PCDHA2: variants seen among roughly 807,000 people sequenced by gnomAD.
PCDHA2 encodes the protein protocadherin alpha-2.
In PCDHA2, 58 loss-of-function variants were observed where a neutral mutation model predicts 66.0. That is an observed-to-expected ratio of 0.88 (90% CI 0.71 to 1.09). The LOEUF is 1.09. Among genes scored for constraint, PCDHA2 ranks in the 50% least tolerant of loss-of-function variants. PCDHA2 has a pLI of 0.00. For missense variants in PCDHA2, 1,267 were observed against 1,242.3 expected, an observed-to-expected ratio of 1.02 and a Z score of -0.30; for synonymous variants, 634 against 554.0, an observed-to-expected ratio of 1.14 and a Z score of -2.03.
intron 1 of PCDHA2, chr5:140,927,539 A>G (rs1554204701): frequency 6.2e-7 from 1 of 1,614,112 alleles, no homozygotes; most frequent in Non-Finnish European, 8.5e-7. Flanking sequence ...CGCTCAGGAG[A>G]CGCACAAGTC....
At chr5:140,823,872 G>C in intron 1 of PCDHA2, 1 of 1,613,916 alleles carries the variant, frequency 6.2e-7, no homozygotes, top group Non-Finnish European at 8.5e-7. Flanking sequence ...ACGTGTACCT[G>C]ATCATCGCCA....
At chr5:140,935,473 AT>A (rs2090393235) in intron 1 of PCDHA2, among the ~76,000 whole-genome samples, 1 of 152,212 alleles carries the variant, frequency 6.6e-6, no homozygotes, top group African/African-American at 2.4e-5. Context: ...AGTTTTTGTC[AT>A]TCTTTTCATT....
rs782636217 is a variant in PCDHA2 at position 140,928,409 on chromosome 5, C to T, written c.2389-50540C>T. The T allele has an allele frequency of 1.9e-6, 3 of 1,614,030 alleles. No individual in the cohort carries two copies. The Admixed American group carries it at 5.0e-5, about 27-fold the overall frequency. On this transcript the variant is annotated intron_variant, in intron 1 of 3. Coordinates refer to ENST00000526136, the MANE Select transcript of PCDHA2 (RefSeq NM_018905.3). ...CTGGCAGTGGAATCATCCAGTGGGG[C>T]CATCACTGCCAAAACTTCCTTTGAC...
At position 140,856,753 on chromosome 5, in the gene PCDHA2, T is replaced by C. The variant is rs373420913; in HGVS notation, c.2388+59401T>C. 311 of 1,596,470 alleles carry C rather than the reference T, an allele frequency of 1.9e-4. 24 individuals are homozygous for C. Among genetic ancestry groups the C allele is most frequent in the Non-Finnish European group, 2.6e-4 (309 of 1,166,472 alleles). On this transcript the variant is annotated intron_variant, in intron 1 of 3. Coordinates refer to ENST00000526136, the MANE Select transcript of PCDHA2 (RefSeq NM_018905.3). ...TGCTGATCCTGGTGTTAGATGCCAA[T>C]GATAACGCCCCTATCTTTGACAGAC...
intron 1 of PCDHA2, chr5:140,877,039 C>A (rs782458785): frequency 6.2e-7 from 1 of 1,612,458 alleles, no homozygotes; most frequent in African/African-American, 1.3e-5. Context: ...GCTGCAGCCG[C>A]TAGACCACGA....
At chr5:140,884,504 G>C in intron 1 of PCDHA2, 2 of 1,614,180 alleles carry the variant, frequency 1.2e-6, no homozygotes, top group South Asian at 2.2e-5. Flanking sequence ...CAGCGCGGCA[G>C]GGAGTTGGTC....
At position 140,842,761 on chromosome 5, in the gene PCDHA2, A is replaced by G. The variant is rs200442158; in HGVS notation, c.2388+45409A>G. ...GCCACATCTTCACGGTGTCTGCGCG[A>G]GACGCGGACGCGCAGGAGAACGCGC... On this transcript the variant is annotated intron_variant, in intron 1 of 3. Coordinates refer to ENST00000526136, the MANE Select transcript of PCDHA2 (RefSeq NM_018905.3). 1.6e-5 allele frequency: 26 copies of G among 1,594,610 alleles called. 2 individuals are homozygous for G. The highest frequency in any genetic ancestry group is 4.5e-5 in the East Asian group (2 of 44,836).
At chr5:140,836,468 T>G (rs1227457835) in intron 1 of PCDHA2, 1 of 1,613,696 alleles carries the variant, frequency 6.2e-7, no homozygotes, top group African/African-American at 1.3e-5. Flanking sequence ...AGCTGGTGGA[T>G]GTCAACGTGT....
intron 1 of PCDHA2, chr5:140,882,748 A>C: frequency 1.2e-6 from 2 of 1,614,258 alleles, no homozygotes; most frequent in Non-Finnish European, 1.7e-6. Flanking sequence ...CATCCGATGC[A>C]GATATTGGAG....
At chr5:140,815,220 G>A (rs1765678782) in intron 1 of PCDHA2, 1 of 151,932 alleles carries the variant, frequency 6.6e-6, no homozygotes, top group South Asian at 2.1e-4. Flanking sequence ...ACTTACTGTT[G>A]CCTCTTTGTT....
In PCDHA2 at chr5:140,833,781, T is replaced by C. The variant is rs143295216; in HGVS notation, c.2388+36429T>C. Among the ~76,000 whole-genome samples the C allele has an allele frequency of 2.8e-3, 433 of 152,262 alleles. 2 individuals carry two copies. The highest frequency in any genetic ancestry group is 0.01 in the African/African-American group (417 of 41,552). On this transcript the variant is annotated intron_variant, in intron 1 of 3. Transcript: ENST00000526136. ...ACACACACACACCGCTTTCTAAGTT[T>C]CTCTTTCATCAATCAGTAGATTCTT...
At chr5:140,876,215 A>G in intron 1 of PCDHA2, 1 of 1,614,008 alleles carries the variant, frequency 6.2e-7, no homozygotes, top group South Asian at 1.1e-5. Context: ...CCCAGCTATA[A>G]AGTAGTGTTG....
chr5:140,959,141 C>G (rs936183508), intron 1 of PCDHA2, among the ~76,000 whole-genome samples: 1 of 151,924 alleles, frequency 6.6e-6, no homozygotes, highest in Admixed American at 6.6e-5. Context: ...CTTTGGGAGG[C>G]CAAAGTGGGC....
At chr5:140,832,109 C>T (rs2150199824) in intron 1 of PCDHA2, among the ~76,000 whole-genome samples, 14 of 152,240 alleles carry the variant, frequency 9.2e-5, no homozygotes, top group African/African-American at 3.4e-4. Flanking sequence ...ACATTAAAAG[C>T]AATTTAAAAT....
At chr5:140,834,646 C>G (rs17844305) in intron 1 of PCDHA2, 112,077 of 1,614,172 alleles carry the variant, frequency 0.069, 4,265 homozygotes, top group Admixed American at 0.079. Flanking sequence ...TTTGTGAATT[C>G]TCGGATCGAC....
chr5:140,831,254 T>C (rs1298063244), intron 1 of PCDHA2: 1 of 152,260 alleles, frequency 6.6e-6, no homozygotes, highest in Non-Finnish European at 1.5e-5. Context: ...CTCTTATTTC[T>C]GTTTGAATTT....
At chr5:140,880,010 A>G (rs958851507) in intron 1 of PCDHA2, among the ~76,000 whole-genome samples, 1 of 152,232 alleles carries the variant, frequency 6.6e-6, no homozygotes, top group African/African-American at 2.4e-5. Flanking sequence ...TATTCACCAT[A>G]TAAAGTAAAA....
intron 1 of PCDHA2, among the ~76,000 whole-genome samples, chr5:140,901,330 C>T (rs576918477): frequency 6.6e-6 from 1 of 152,108 alleles, no homozygotes; most frequent in African/African-American, 2.4e-5. Flanking sequence ...TTCTTGTAGT[C>T]GTTTTATAGT....
intron 1 of PCDHA2, among the ~76,000 whole-genome samples, chr5:140,964,964 C>T (rs1035701368): frequency 2.6e-5 from 4 of 152,212 alleles, no homozygotes; most frequent in Non-Finnish European, 4.4e-5. Flanking sequence ...GTTGGTGGAA[C>T]GAAGGGATGT....
Sources: gnomAD v4.1 joint callset for allele counts (sites outside exome capture counted in the v4.1 genomes callset) on GRCh38, gnomAD v4.1.1 for gene constraint, MANE v1.5 for transcripts, NCBI Gene and HGNC (gene_info 2026-07-23, HGNC 2026-07-21) for gene names.